GNAQ: variants seen among roughly 807,000 people sequenced by gnomAD.
GNAQ encodes guanine nucleotide-binding protein G(q) subunit alpha.
Under a neutral mutation model 43.9 loss-of-function variants are expected in GNAQ, and 8 were observed. That is an observed-to-expected ratio of 0.18 (90% CI 0.11 to 0.33). The LOEUF (loss-of-function observed/expected upper bound fraction) is 0.33. Among genes scored for constraint, GNAQ ranks in the 10% least tolerant of loss-of-function variants. GNAQ has a pLI of 1.00. For synonymous variants in GNAQ, 155 were observed against 170.7 expected (o/e 0.91, Z 0.71); for missense variants, 158 against 450.8 (o/e 0.35, Z 5.88).
chr9:78,031,706 C>A lies in GNAQ; in HGVS notation c.-471G>T, dbSNP rs2118634917. Among the ~76,000 whole-genome samples the A allele has an allele frequency of 6.8e-6, 1 of 147,636 alleles. No individual in the cohort carries two copies. Among genetic ancestry groups the A allele is most frequent in the Non-Finnish European group, 1.5e-5 (1 of 66,226 alleles). On this transcript the variant is annotated 5_prime_UTR_variant, in exon 1 of 7. Transcript: ENST00000286548. The stretch of plus-strand genomic sequence containing the variant: ...CGCCGACGGCTCCCCGCGCCCGGCG[C>A]GCCCGCTCCTCGCCGCCGCCTGACA...
intron 1 of GNAQ, among the ~76,000 whole-genome samples, chr9:77,961,333 T>C (rs1216440066): frequency 2.0e-5 from 3 of 152,092 alleles, no homozygotes; most frequent in East Asian, 1.9e-4. Flanking sequence ...AAGAACCCAG[T>C]GCTCTCACTG....
At chr9:77,922,126 T>C (rs1382468185) in intron 2 of GNAQ, 35 bp downstream of exon 2, 3 of 1,458,764 alleles carry the variant, frequency 2.1e-6, no homozygotes, top group South Asian at 2.3e-5. Context: ...ACCTGGAACA[T>C]TCAGCTGACT....
chr9:78,002,445 C>T (rs2118555393), intron 1 of GNAQ, among the ~76,000 whole-genome samples: 1 of 152,306 alleles, frequency 6.6e-6, no homozygotes, highest in South Asian at 2.1e-4. Flanking sequence ...GCTAGTTTTA[C>T]TAGCAGACAG....
At chr9:77,955,108 TCCAAGATAA>T (rs1823026462) in intron 1 of GNAQ, among the ~76,000 whole-genome samples, 1 of 152,196 alleles carries the variant, frequency 6.6e-6, no homozygotes, top group African/African-American at 2.4e-5. Context: ...CAGCAGTTGC[TCCAAGATAA>T]GTGGGAGTGG....
At chr9:77,818,997 C>T (rs11145574) in intron 2 of GNAQ, among the ~76,000 whole-genome samples, 2 of 66,044 alleles carry the variant, frequency 3.0e-5, no homozygotes, top group Non-Finnish European at 5.5e-5. Context: ...GAAATACCAT[C>T]TCTCCAAAAA....
intron 2 of GNAQ, among the ~76,000 whole-genome samples, chr9:77,823,300 T>G (rs1204939916): frequency 6.6e-6 from 1 of 152,124 alleles, no homozygotes; most frequent in Non-Finnish European, 1.5e-5. Flanking sequence ...CTGGTTTTTT[T>G]GTAGTAAGTT....
intron 2 of GNAQ, among the ~76,000 whole-genome samples, chr9:77,865,075 G>A (rs566443759): frequency 2.0e-5 from 3 of 152,190 alleles, no homozygotes; most frequent in East Asian, 3.9e-4. Context: ...AGCTGCAAAC[G>A]GAGTCAAATT....
intron 2 of GNAQ, among the ~76,000 whole-genome samples, chr9:77,857,981 G>T (rs970376408): frequency 6.6e-6 from 1 of 151,832 alleles, no homozygotes; most frequent in Non-Finnish European, 1.5e-5. Context: ...AGAGCTGTCA[G>T]CTCTGTTTGT....
chr9:77,948,743 A>G (rs1033960520), intron 1 of GNAQ, among the ~76,000 whole-genome samples: 1 of 152,142 alleles, frequency 6.6e-6, no homozygotes, highest in African/African-American at 2.4e-5. Flanking sequence ...AAGCCTCCCT[A>G]GCATTGTTTA....
intron 1 of GNAQ, 129 bp downstream of exon 1, chr9:78,030,971 G>A (rs1398814978): frequency 5.1e-5 from 27 of 526,878 alleles, no homozygotes; most frequent in Non-Finnish European, 7.2e-5. Context: ...GTGGCCGGGG[G>A]CGCGCCCGGG....
At chr9:77,869,204 T>C (rs11145599) in intron 2 of GNAQ, among the ~76,000 whole-genome samples, 17,265 of 152,100 alleles carry the variant, frequency 0.11, 2,127 homozygotes, top group African/African-American at 0.28. Flanking sequence ...AAACAAAAAA[T>C]TGACATTCTA....
intron 2 of GNAQ, among the ~76,000 whole-genome samples, chr9:77,876,911 C>T (rs1317785543): frequency 6.6e-6 from 1 of 152,098 alleles, no homozygotes; most frequent in African/African-American, 2.4e-5. Context: ...CAAAATAGAA[C>T]CTTAAAAGGT....
rs148258047 is a variant in GNAQ at position 77,783,653 on chromosome 9, A to G, written c.735+10810T>C. 8.3e-3 allele frequency among the ~76,000 whole-genome samples: 1,271 copies of G among 152,330 alleles called. 24 individuals are homozygous for G. Among genetic ancestry groups the G allele is most frequent in the African/African-American group, 0.029 (1,213 of 41,576 alleles). Reference sequence around the variant, plus strand: ...CTCAGTTATTACTACTTAGGAAAACATGGATCTTGTTCTGTCTTCTAACCT... The same window carrying G: ...CTCAGTTATTACTACTTAGGAAAACGTGGATCTTGTTCTGTCTTCTAACCT... On this transcript the variant is annotated intron_variant, in intron 5 of 6. Coordinates refer to ENST00000286548, the MANE Select transcript of GNAQ (RefSeq NM_002072.5).
chr9:77,753,647 A>G (rs1417445106), intron 5 of GNAQ, among the ~76,000 whole-genome samples: 1 of 152,232 alleles, frequency 6.6e-6, no homozygotes, highest in Admixed American at 6.5e-5. Context: ...GAAGTATAGC[A>G]TGATAATTTA....
chr9:77,900,100 A>T (rs865784124), intron 2 of GNAQ, among the ~76,000 whole-genome samples: 4 of 152,286 alleles, frequency 2.6e-5, no homozygotes, highest in Middle Eastern at 3.4e-3. Flanking sequence ...GGCCTGACAC[A>T]GTTACTAAGT....
chr9:77,833,584 T>C (rs1827335447), intron 2 of GNAQ, among the ~76,000 whole-genome samples: 3 of 152,236 alleles, frequency 2.0e-5, no homozygotes, highest in Admixed American at 6.5e-5. Context: ...AAATGTATCC[T>C]AGGCTTAAAG....
chr9:78,015,675 T>A (rs180930096), intron 1 of GNAQ, among the ~76,000 whole-genome samples: 1 of 151,916 alleles, frequency 6.6e-6, no homozygotes, highest in Admixed American at 6.6e-5. Flanking sequence ...CAGACCACAT[T>A]CTATCAAAAT....
intron 1 of GNAQ, among the ~76,000 whole-genome samples, chr9:77,932,892 G>T (rs550942597): frequency 1.6e-4 from 25 of 152,226 alleles, no homozygotes; most frequent in Admixed American, 5.9e-4. Context: ...TCCTAAAAAA[G>T]TCTGTGTGGG....
intron 1 of GNAQ, among the ~76,000 whole-genome samples, chr9:77,949,169 G>C (rs895022575): frequency 1.3e-5 from 2 of 152,182 alleles, no homozygotes; most frequent in African/African-American, 4.8e-5. Context: ...GAAATACTAA[G>C]CGGCAAAACT....
Sources: allele counts gnomAD v4.1 joint callset (sites outside exome capture counted in the v4.1 genomes callset), GRCh38; gene constraint gnomAD v4.1.1; transcripts MANE v1.5; gene names NCBI Gene and HGNC (gene_info 2026-07-23, HGNC 2026-07-21).